GLIS3: variants seen among roughly 807,000 people sequenced by gnomAD.
GLIS3 encodes zinc finger protein GLIS3.
GLIS3 carries 53 observed loss-of-function variants against 78.6 expected under a neutral mutation model. That is an observed-to-expected ratio of 0.67 (90% CI 0.54 to 0.85). GLIS3 has a LOEUF of 0.85. GLIS3 is among the 40% of genes least tolerant of loss of function. GLIS3 has a pLI of 0.00. For missense variants in GLIS3, 1,703 were observed against 1,231.1 expected (o/e 1.38, Z -5.74); for synonymous variants, 684 against 509.9 (o/e 1.34, Z -4.60).
chr9:4,298,103 G>A (rs1268205000), intron 1 of GLIS3, among the ~76,000 whole-genome samples: 2 of 152,156 alleles, frequency 1.3e-5, no homozygotes, highest in Non-Finnish European at 2.9e-5. Flanking sequence ...TTCCTGTTGT[G>A]CAACTCGCTC....
At chr9:4,173,930 A>ACG (rs34184876) in intron 2 of GLIS3, among the ~76,000 whole-genome samples, 99 of 85,472 alleles carry the variant, frequency 1.2e-3, no homozygotes, top group African/African-American at 3.0e-3. Context: ...ACACACACAC[A>ACG]CACGCACGCA....
the GLIS3 span, among the ~76,000 whole-genome samples, chr9:4,447,696 G>A: frequency 6.0e-3 from 907 of 152,260 alleles, 9 homozygotes; most frequent in African/African-American, 0.021. Context: ...AAGAGATGCT[G>A]AAATTTTTTC....
At chr9:4,061,695 C>T (rs1043733366) in intron 4 of GLIS3, among the ~76,000 whole-genome samples, 1 of 152,084 alleles carries the variant, frequency 6.6e-6, no homozygotes, top group Non-Finnish European at 1.5e-5. Context: ...AGCAAAATAT[C>T]TGAATTATCA....
At chr9:4,358,187 C>A in the GLIS3 span, among the ~76,000 whole-genome samples, 1 of 152,098 alleles carries the variant, frequency 6.6e-6, no homozygotes, top group Non-Finnish European at 1.5e-5. Context: ...TTCCAGAAGG[C>A]TGCATAAACT....
chr9:4,172,620 G>A (rs1367722509), intron 2 of GLIS3, among the ~76,000 whole-genome samples: 1 of 152,170 alleles, frequency 6.6e-6, no homozygotes, highest in African/African-American at 2.4e-5. Flanking sequence ...ATGAATAAAT[G>A]AGTGAATTAA....
chr9:4,011,179 C>T lies in GLIS3; in HGVS notation c.1711-73990G>A, dbSNP rs548261181. Among the ~76,000 whole-genome samples, 16 of 152,164 alleles carry T rather than the reference C, an allele frequency of 1.1e-4. 1 individual carries two copies. Among genetic ancestry groups the T allele is most frequent in the African/African-American group, 3.6e-4 (15 of 41,486 alleles). On this transcript the variant is annotated intron_variant, in intron 4 of 10. Transcript: ENST00000381971. ...GCATGCCAGTTTTATGCATAGGAAG[C>T]GCTACAGCAGATGTTCAAATAAATA...
chr9:4,261,969 C>A (rs554691121), intron 2 of GLIS3, among the ~76,000 whole-genome samples: 60 of 152,196 alleles, frequency 3.9e-4, no homozygotes, highest in Non-Finnish European at 7.3e-4. Flanking sequence ...CCCCATGATA[C>A]AAAGGGCTGT....
intron 9 of GLIS3, among the ~76,000 whole-genome samples, chr9:3,849,675 G>T (rs1588082133): frequency 6.6e-6 from 1 of 152,064 alleles, no homozygotes; most frequent in Non-Finnish European, 1.5e-5. Context: ...TGGGAGGCTG[G>T]GGCGGGTGGA....
intron 2 of GLIS3, among the ~76,000 whole-genome samples, chr9:4,274,349 G>C (rs138933314): frequency 6.6e-6 from 1 of 152,270 alleles, no homozygotes; most frequent in East Asian, 1.9e-4. Flanking sequence ...TGGACTTGTT[G>C]GGGTGTTTTT....
intron 2 of GLIS3, among the ~76,000 whole-genome samples, chr9:4,225,999 T>A (rs1821736791): frequency 6.6e-6 from 1 of 152,234 alleles, no homozygotes; most frequent in Non-Finnish European, 1.5e-5. Flanking sequence ...GCCAGATTTT[T>A]AAAATATTGC....
chr9:4,462,110 C>T, the GLIS3 span, among the ~76,000 whole-genome samples: 28 of 152,180 alleles, frequency 1.8e-4, 1 homozygote, highest in South Asian at 5.6e-3. Flanking sequence ...TGCCCATGGG[C>T]CACACCATTA....
intron 2 of GLIS3, among the ~76,000 whole-genome samples, chr9:4,152,971 T>C (rs1025322845): frequency 6.6e-6 from 1 of 152,208 alleles, no homozygotes; most frequent in African/African-American, 2.4e-5. Context: ...AGCCTCTGCA[T>C]TACTGGCATT....
chr9:4,401,666 C>T, the GLIS3 span, among the ~76,000 whole-genome samples: 1 of 151,598 alleles, frequency 6.6e-6, no homozygotes, highest in African/African-American at 2.4e-5. Flanking sequence ...CTCCTGGGTT[C>T]AAGCGATTCT....
chr9:4,300,572 G>C (rs1472029246), upstream of GLIS3, among the ~76,000 whole-genome samples: 4 of 152,128 alleles, frequency 2.6e-5, no homozygotes, highest in Non-Finnish European at 5.9e-5. Flanking sequence ...AGGGAAGAGA[G>C]GAAGGTGATG....
At chr9:4,088,647 T>A (rs768468253) in intron 4 of GLIS3, among the ~76,000 whole-genome samples, 1 of 152,240 alleles carries the variant, frequency 6.6e-6, no homozygotes, top group African/African-American at 2.4e-5. Context: ...CAACTATATA[T>A]TGGATGTATT....
chr9:4,281,982 T>A (rs1369914601), intron 2 of GLIS3, among the ~76,000 whole-genome samples: 1 of 152,206 alleles, frequency 6.6e-6, no homozygotes, highest in African/African-American at 2.4e-5. Flanking sequence ...TTAAAGCCAC[T>A]GTTATTTGAG....
chr9:4,017,998 C>G (rs548776857), intron 4 of GLIS3, among the ~76,000 whole-genome samples: 1 of 152,294 alleles, frequency 6.6e-6, no homozygotes, highest in East Asian at 1.9e-4. Context: ...GGCCCAGCCC[C>G]TTACTGGGGA....
intron 6 of GLIS3, among the ~76,000 whole-genome samples, chr9:3,917,775 G>A (rs750511844): frequency 5.3e-5 from 8 of 152,190 alleles, no homozygotes; most frequent in Non-Finnish European, 1.0e-4. Context: ...CACCGTTCCT[G>A]TATAGTAGCC....
intron 7 of GLIS3, among the ~76,000 whole-genome samples, chr9:3,882,228 A>C (rs1821778980): frequency 6.6e-6 from 1 of 152,200 alleles, no homozygotes; most frequent in African/African-American, 2.4e-5. Context: ...ATAAATGCCC[A>C]TGGAATCTCG....
Sources: allele counts gnomAD v4.1 joint callset (sites outside exome capture counted in the v4.1 genomes callset), GRCh38; gene constraint gnomAD v4.1.1; transcripts MANE v1.5; gene names NCBI Gene and HGNC (gene_info 2026-07-23, HGNC 2026-07-21).